The following POR variants were observed in gnomAD, a reference collection of about 807,000 sequenced individuals.
The protein encoded by POR is cytochrome p450 oxidoreductase.
A neutral mutation model predicts 84.0 loss-of-function variants in POR; 56 were observed. That is an observed-to-expected ratio of 0.67 (90% CI 0.54 to 0.83). The LOEUF (loss-of-function observed/expected upper bound fraction) is 0.83. Among genes scored for constraint, POR ranks in the 40% least tolerant of loss-of-function variants. The probability of loss-of-function intolerance (pLI) is 0.00; values close to 1 mark genes in which losing one functional copy is unlikely to be tolerated. For missense variants in POR, 938 were observed against 944.3 expected, an observed-to-expected ratio of 0.99 and a Z score of 0.09; for synonymous variants, 414 against 400.5, an observed-to-expected ratio of 1.03 and a Z score of -0.40.
At chr7:75,967,239 G>A (rs1243513447) in intron 2 of POR, among the ~76,000 whole-genome samples, 1 of 152,120 alleles carries the variant, frequency 6.6e-6, no homozygotes, top group Non-Finnish European at 1.5e-5. Flanking sequence ...GCCTCCCAAA[G>A]TGCTGTACTG....
chr7:75,970,164 T>C (rs1187086672), intron 2 of POR, among the ~76,000 whole-genome samples: 1 of 152,086 alleles, frequency 6.6e-6, no homozygotes, highest in African/African-American at 2.4e-5. Context: ...GCCACTTTTC[T>C]CTTGTTTAAA....
At chr7:75,963,557 T>TGGGCCCTGTCGGGTGCA (rs1788042943) in intron 2 of POR, among the ~76,000 whole-genome samples, 1 of 152,184 alleles carries the variant, frequency 6.6e-6, no homozygotes, top group South Asian at 2.1e-4. Context: ...CTGACTTCAC[T>TGGGCCCTGTCGGGTGCA]GGGCCCTGTC....
intron 2 of POR, among the ~76,000 whole-genome samples, chr7:75,957,062 T>G (rs1325400058): frequency 1.1e-4 from 17 of 152,206 alleles, no homozygotes; most frequent in African/African-American, 3.9e-4. Context: ...TGAACTGCTT[T>G]AACCTACATT....
chr7:75,985,986 A>T lies in POR; in HGVS notation c.1733A>T (p.Tyr578Phe). Reference sequence around the variant, plus strand: ...CGCCGCTCGGATGAGGACTACCTGTACCGGGAGGAGCTGGCGCAGTTCCAC... The same window carrying T: ...CGCCGCTCGGATGAGGACTACCTGTTCCGGGAGGAGCTGGCGCAGTTCCAC... Residue 578 changes from tyrosine to phenylalanine, a missense_variant, in exon 14 of 16, where the codon TAC becomes TTC. Tyr to Phe is a conservative substitution (Grantham distance 22, BLOSUM62 3). Transcript: ENST00000461988. 6.3e-7 allele frequency: 1 copy of T among 1,580,414 alleles called. No homozygotes were observed. The highest frequency in any genetic ancestry group is 8.6e-7 in the Non-Finnish European group (1 of 1,164,426).
intron 1 of POR, among the ~76,000 whole-genome samples, chr7:75,919,636 C>T (rs1320443900): frequency 6.6e-6 from 1 of 152,060 alleles, no homozygotes; most frequent in East Asian, 1.9e-4. Context: ...AAGTGAGCCT[C>T]CTATCTCAGC....
In POR at chr7:75,979,510, C is replaced by A; in HGVS notation, c.297C>A (p.Asn99Lys). Residue 99 changes from asparagine to lysine, a missense_variant, in exon 4 of 16, where the codon AAC (asparagine) becomes AAA (lysine). By Grantham distance (94) the Asn-to-Lys change is moderately conservative. Coordinates refer to ENST00000461988, the MANE Select transcript of POR (RefSeq NM_000941.3). ...CGGGGACTGCAGAGGAGTTTGCCAA[C>A]CGCCTGTCCAAGGACGCCCACCGCT... 1.9e-6 allele frequency: 3 copies of A among 1,613,504 alleles called. No individual in the cohort carries two copies. Among genetic ancestry groups the A allele is most frequent in the Non-Finnish European group, 1.7e-6 (2 of 1,179,834 alleles).
At chr7:75,926,578 C>T (rs1807142085) in intron 1 of POR, among the ~76,000 whole-genome samples, 1 of 151,886 alleles carries the variant, frequency 6.6e-6, no homozygotes, top group Admixed American at 6.6e-5. Flanking sequence ...GGCAGATCAC[C>T]TGAGGTCGCG....
In POR at chr7:75,985,186, C is replaced by A; in HGVS notation, c.1377C>A (p.Tyr459Ter). 1 of 1,596,014 alleles carries A rather than the reference C, an allele frequency of 6.3e-7. No individual in the cohort carries two copies. Among genetic ancestry groups the A allele is most frequent in the Non-Finnish European group, 8.5e-7 (1 of 1,177,382 alleles). ...TGCCGCGCCTGCAGGCCCGCTACTA[C>A]TCCATCGCCTCATCCTCCAAGGTGA... The change falls in exon 12 of 16, where the codon TAC (tyrosine) becomes TAA (stop). Residue 459 changes from tyrosine to a stop codon, truncating the protein, a stop_gained. Coordinates refer to ENST00000461988, the MANE Select transcript of POR (RefSeq NM_000941.3). LOFTEE classifies it high-confidence loss of function.
chr7:75,963,871 A>G (rs572324486), intron 2 of POR, among the ~76,000 whole-genome samples: 1 of 152,322 alleles, frequency 6.6e-6, no homozygotes, highest in African/African-American at 2.4e-5. Context: ...GGGAGCTGAC[A>G]CAGGAGAGCA....
At chr7:75,925,435 C>T (rs995401304) in intron 1 of POR, among the ~76,000 whole-genome samples, 18 of 152,132 alleles carry the variant, frequency 1.2e-4, no homozygotes, top group South Asian at 2.1e-4. Flanking sequence ...TGAAGCAGGA[C>T]GATCGCTTGA....
rs139025462 is a variant in POR, at chr7:75,977,420, A to G, written c.238-2031A>G. Among the ~76,000 whole-genome samples the G allele has an allele frequency of 4.5e-3, 689 of 152,336 alleles. 7 individuals carry two copies. The highest frequency in any genetic ancestry group is 0.015 in the African/African-American group (643 of 41,566). On this transcript the variant is annotated intron_variant, in intron 3 of 15. Coordinates refer to ENST00000461988, the MANE Select transcript of POR (RefSeq NM_000941.3). ...GAAGCTACTTCTACAGCTGCCTCTG[A>G]ACATCACATAAGCCAGTAGCCAGGA... is the stretch of plus-strand genomic sequence containing the variant.
At chr7:75,921,539 G>A (rs911129026) in intron 1 of POR, among the ~76,000 whole-genome samples, 3 of 152,012 alleles carry the variant, frequency 2.0e-5, no homozygotes, top group African/African-American at 7.2e-5. Flanking sequence ...TGGGATTACA[G>A]CAGGCGTGAG....
chr7:75,926,746 G>C (rs1352904415), intron 1 of POR, among the ~76,000 whole-genome samples: 1 of 152,088 alleles, frequency 6.6e-6, no homozygotes, highest in Non-Finnish European at 1.5e-5. Flanking sequence ...GTGAGCTGAG[G>C]TTGCGCCATT....
chr7:75,960,529 T>G (rs1397727467), intron 2 of POR, among the ~76,000 whole-genome samples: 1 of 152,098 alleles, frequency 6.6e-6, no homozygotes, highest in Non-Finnish European at 1.5e-5. Flanking sequence ...AGGCTGGGTC[T>G]TAACCTCCTG....
intron 2 of POR, among the ~76,000 whole-genome samples, chr7:75,958,683 A>G (rs1787792559): frequency 6.6e-6 from 1 of 152,020 alleles, no homozygotes; most frequent in Non-Finnish European, 1.5e-5. Flanking sequence ...TTAGTCTCCT[A>G]AGATAGTGTT....
Position 75,981,231 on chromosome 7 carries a change from C to G in POR, c.641+59C>G, listed in dbSNP as rs1302925677. ...GCGGGCTTAGGCAGGGGCCGTGGAA[C>G]GTGAGGGGCGCGCACACCATTGTGT... is the stretch of plus-strand genomic sequence containing the variant. On this transcript the variant is annotated intron_variant, in intron 6 of 15. Coordinates refer to ENST00000461988, the MANE Select transcript of POR (RefSeq NM_000941.3). 3.4e-6 allele frequency: 5 copies of G among 1,476,908 alleles called. No individual in the cohort carries two copies. The East Asian group carries it at 7.5e-5, about 22-fold the overall frequency. 91.5% of individuals were successfully genotyped at this position (1,476,908 alleles called of 1,614,324 possible).
intron 2 of POR, among the ~76,000 whole-genome samples, chr7:75,955,937 G>A (rs977237738): frequency 3.3e-5 from 5 of 152,144 alleles, no homozygotes; most frequent in East Asian, 1.9e-4. Flanking sequence ...CCTTCACACC[G>A]TAAAGCAGAT....
intron 2 of POR, among the ~76,000 whole-genome samples, chr7:75,966,488 G>T (rs1554555271): frequency 6.6e-6 from 1 of 152,162 alleles, no homozygotes; most frequent in Non-Finnish European, 1.5e-5. Flanking sequence ...CTGCCATCGT[G>T]CCTCTGTGCC....
chr7:75,964,318 TC>T (rs781864369), intron 2 of POR, among the ~76,000 whole-genome samples: 1 of 151,968 alleles, frequency 6.6e-6, no homozygotes, highest in Non-Finnish European at 1.5e-5. Context: ...TTTCTTTTTT[TC>T]TTTTTGAGAC....
Sources: gnomAD v4.1 joint callset for allele counts (sites outside exome capture counted in the v4.1 genomes callset) on GRCh38, gnomAD v4.1.1 for gene constraint, MANE v1.5 for transcripts, NCBI Gene and HGNC (gene_info 2026-07-23, HGNC 2026-07-21) for gene names.